The following RYR2 variants were observed in gnomAD, a reference collection of about 807,000 sequenced individuals.
The protein encoded by RYR2 is cardiac muscle ryanodine receptor-calcium release channel.
In RYR2, 227 loss-of-function variants were observed where a neutral mutation model predicts 601.1. That is an observed-to-expected ratio of 0.38 (90% CI 0.34 to 0.42). The LOEUF is 0.42. Among genes scored for constraint, RYR2 ranks in the 10% least tolerant of loss-of-function variants. RYR2 has a pLI of 1.00. For missense variants in RYR2, 4,646 were observed against 6,156.5 expected (o/e 0.75, Z 8.21); for synonymous variants, 2,223 against 2,175.1 (o/e 1.02, Z -0.61).
At chr1:237,822,082 C>A (rs975723326) in intron 101 of RYR2, among the ~76,000 whole-genome samples, 1 of 152,064 alleles carries the variant, frequency 6.6e-6, no homozygotes, top group Non-Finnish European at 1.5e-5. Context: ...GAGAATGGAA[C>A]CAAGTTGGAA....
chr1:237,324,422 G>A (rs1009607411), intron 2 of RYR2, among the ~76,000 whole-genome samples: 3 of 152,072 alleles, frequency 2.0e-5, no homozygotes, highest in Admixed American at 6.5e-5. Context: ...CAGCAGATGG[G>A]CGCCTAAGCA....
chr1:237,609,470 A>C (rs953425516), intron 35 of RYR2, among the ~76,000 whole-genome samples: 1 of 151,712 alleles, frequency 6.6e-6, no homozygotes, highest in African/African-American at 2.4e-5. Context: ...CCCAGGTTCA[A>C]GCAATTCTCC....
At chr1:237,076,838 T>A (rs1665050607) in intron 1 of RYR2, among the ~76,000 whole-genome samples, 1 of 22,008 alleles carries the variant, frequency 4.5e-5, no homozygotes, top group African/African-American at 1.9e-4. Flanking sequence ...TTCACCAAGG[T>A]TGAAATGAAG....
chr1:237,136,653 G>T (rs2148730573), intron 1 of RYR2, among the ~76,000 whole-genome samples: 1 of 152,280 alleles, frequency 6.6e-6, no homozygotes, highest in Admixed American at 6.5e-5. Flanking sequence ...TCCTGTTCAA[G>T]CATACTACAA....
chr1:237,073,865 T>TAAAA (rs770238369), intron 1 of RYR2, among the ~76,000 whole-genome samples: 1,584 of 87,952 alleles, frequency 0.018, 51 homozygotes, highest in African/African-American at 0.053. Context: ...AGACTCCATC[T>TAAAA]TAAAAAAAAA....
At chr1:237,358,981 C>T (rs1339501206) in intron 4 of RYR2, among the ~76,000 whole-genome samples, 2 of 151,974 alleles carry the variant, frequency 1.3e-5, no homozygotes, top group Non-Finnish European at 2.9e-5. Context: ...TTGCAGCCAC[C>T]CTCTTTGACA....
chr1:237,564,339 C>T (rs577531000), intron 27 of RYR2, among the ~76,000 whole-genome samples: 4 of 152,176 alleles, frequency 2.6e-5, no homozygotes, highest in African/African-American at 4.8e-5. Context: ...GGCATGGTAT[C>T]GGCTCACTGC....
chr1:237,565,799 C>T (rs1225195960), intron 27 of RYR2, among the ~76,000 whole-genome samples: 1 of 152,156 alleles, frequency 6.6e-6, no homozygotes, highest in African/African-American at 2.4e-5. Context: ...TTCTCATCGT[C>T]GTTCTGGCTC....
chr1:237,058,510 A>G (rs1290316872), intron 1 of RYR2, among the ~76,000 whole-genome samples: 1 of 152,204 alleles, frequency 6.6e-6, no homozygotes, highest in Non-Finnish European at 1.5e-5. Context: ...CATACTTCAC[A>G]CTGTTGATTT....
At chr1:237,124,060 G>A (rs932519726) in intron 1 of RYR2, among the ~76,000 whole-genome samples, 22 of 152,172 alleles carry the variant, frequency 1.4e-4, no homozygotes, top group Non-Finnish European at 1.8e-4. Flanking sequence ...ATGATGTCAA[G>A]TGAAATACTT....
At chr1:237,804,969 T>G (rs1660448980) in intron 98 of RYR2, among the ~76,000 whole-genome samples, 1 of 152,180 alleles carries the variant, frequency 6.6e-6, no homozygotes, top group Admixed American at 6.5e-5. Flanking sequence ...GAGACATTTT[T>G]GGTTGTCATG....
Position 237,645,940 on chromosome 1 carries a change from A to G in RYR2, c.7342+2493A>G, listed in dbSNP as rs1191562573. On this transcript the variant is annotated intron_variant, in intron 48 of 104. Coordinates refer to ENST00000366574, the MANE Select transcript of RYR2 (RefSeq NM_001035.3). ...CGCCCAGGCTGGAATGCAGTGGCGC[A>G]GTCTTGGCTCACTGCAAGCTCCGCC... Among the ~76,000 whole-genome samples, 21 of 147,504 alleles carry G rather than the reference A, an allele frequency of 1.4e-4. No homozygotes were observed. In the East Asian group the frequency reaches 3.7e-3, roughly 26 times the overall value.
chr1:237,644,964 T>C (rs1681974412), intron 48 of RYR2, among the ~76,000 whole-genome samples: 4 of 152,006 alleles, frequency 2.6e-5, no homozygotes, highest in Admixed American at 2.6e-4. Flanking sequence ...CCCGGGGCAG[T>C]GGGGAGGTTG....
intron 8 of RYR2, among the ~76,000 whole-genome samples, chr1:237,384,919 C>T (rs574968631): frequency 8.9e-4 from 135 of 151,866 alleles, no homozygotes; most frequent in Middle Eastern, 3.4e-3. Flanking sequence ...GAAGTAGTCT[C>T]GCTCTTTTCG....
In RYR2 at chr1:237,709,089, A is replaced by G; in HGVS notation, c.10133A>G (p.Asp3378Gly). 1 of 1,576,382 alleles carries G rather than the reference A, an allele frequency of 6.3e-7. No individual in the cohort carries two copies. The highest frequency in any genetic ancestry group is 1.2e-5 in the South Asian group (1 of 85,724). Residue 3378 changes from aspartate to glycine, a missense_variant, in exon 69 of 105, where the codon GAC becomes GGC. This residue lies in a region of RYR2 where 1,497 missense variants were observed against 1,842.6 expected (regional missense o/e 0.81). Coordinates refer to ENST00000366574, the MANE Select transcript of RYR2 (RefSeq NM_001035.3). ...TACCCTCTCTTGATTAGATTTGTGG[A>G]CTATAACAGGTATGATCAAAAGTAA... ...AFYPLLIRFVDYNRAKWLKEP... is the reference protein window; with the variant it reads ...AFYPLLIRFVGYNRAKWLKEP...
In RYR2 at chr1:237,610,744, T is replaced by C; in HGVS notation, c.4684-18T>C. 6.4e-7 allele frequency: 1 copy of C among 1,567,922 alleles called. No homozygotes were observed. ...GGATGTTCTACATTTATTCTTTTTC[T>C]GCCTCCCCATCCGCTAGAATGTGAT... On this transcript the variant is annotated intron_variant, in intron 35 of 104. Coordinates refer to ENST00000366574, the MANE Select transcript of RYR2 (RefSeq NM_001035.3). This position sits in a 1 kb window ranked among gnomAD's most constrained non-coding sequence, Gnocchi z 4.9.
rs10925506 is a variant in RYR2 at position 237,748,193 on chromosome 1, A to G, written c.11145+5844A>G. ...GGGAATGAGGGAGGGCAAGTAGAAG[A>G]TAGAGTGTTCTTGAGCTGATCACAG... On this transcript the variant is annotated intron_variant, in intron 80 of 104. Coordinates refer to ENST00000366574, the MANE Select transcript of RYR2 (RefSeq NM_001035.3). Among the ~76,000 whole-genome samples the G allele has an allele frequency of 2.5e-3, 382 of 152,258 alleles. 1 individual carries two copies. The highest frequency in any genetic ancestry group is 8.4e-3 in the African/African-American group (347 of 41,546).
intron 87 of RYR2, among the ~76,000 whole-genome samples, chr1:237,774,350 G>C (rs1368326235): frequency 3.9e-5 from 6 of 152,124 alleles, no homozygotes; most frequent in Non-Finnish European, 1.5e-5. Context: ...ACATAAGCTT[G>C]TGGGGAGAAG....
chr1:237,421,484 T>C (rs574205141), intron 11 of RYR2, among the ~76,000 whole-genome samples: 9 of 152,302 alleles, frequency 5.9e-5, no homozygotes, highest in African/African-American at 2.2e-4. Context: ...TAATTGTCTT[T>C]ATAAACAAAT....
Sources: allele counts gnomAD v4.1 joint callset (sites outside exome capture counted in the v4.1 genomes callset), GRCh38; gene constraint gnomAD v4.1.1; regional missense constraint gnomAD v4.1.1; non-coding constraint Gnocchi (gnomAD v3.1); transcripts MANE v1.5; gene names NCBI Gene and HGNC (gene_info 2026-07-23, HGNC 2026-07-21).